UMODL1: variants seen among roughly 807,000 people sequenced by gnomAD.
UMODL1 encodes the protein uromodulin like 1.
In UMODL1, 128 loss-of-function variants were observed where a neutral mutation model predicts 136.3. The observed-to-expected ratio is 0.94, with a 90% CI of 0.81 to 1.09. The LOEUF is 1.09. Among genes scored for constraint, UMODL1 ranks in the 50% least tolerant of loss-of-function variants. The pLI, the probability that UMODL1 is intolerant of heterozygous loss-of-function variation, is 0.00. For synonymous variants in UMODL1, 721 were observed against 720.0 expected (o/e 1.00, Z -0.02); for missense variants, 1,766 against 1,725.6 (o/e 1.02, Z -0.41).
rs921580852 is a variant in UMODL1, at chr21:42,127,655, A to G, written c.3531-17A>G. On this transcript the variant is annotated splice_polypyrimidine_tract_variant and intron_variant, in intron 19 of 22. Transcript: ENST00000408910. Reference sequence around the variant, plus strand: ...GGCTCGCTGACAAGCAAGGAGTCCCATTTCCTCTCTTCTCAGCTGCCCTGT... The same window carrying G: ...GGCTCGCTGACAAGCAAGGAGTCCCGTTTCCTCTCTTCTCAGCTGCCCTGT... The G allele has an allele frequency of 6.2e-7, 1 of 1,608,316 alleles. No individual in the cohort carries two copies. Among genetic ancestry groups the G allele is most frequent in the African/African-American group, 1.3e-5 (1 of 74,614 alleles).
chr21:42,078,982 G>A (rs1268167425), intron 2 of UMODL1, among the ~76,000 whole-genome samples: 4 of 152,332 alleles, frequency 2.6e-5, no homozygotes, highest in South Asian at 2.1e-4. Flanking sequence ...GATAGCGGGG[G>A]GCCATTAGGA....
At chr21:42,140,801 G>A (rs781501532) in intron 22 of UMODL1, among the ~76,000 whole-genome samples, 4 of 152,244 alleles carry the variant, frequency 2.6e-5, no homozygotes, top group Admixed American at 6.5e-5. Context: ...AGCCACCTCC[G>A]GGGATCCCAA....
chr21:42,126,906 G>A (rs1372322713), intron 18 of UMODL1, 100 bp from the exon 19 acceptor site: 21 of 977,336 alleles, frequency 2.1e-5, no homozygotes, highest in African/African-American at 3.2e-5. Context: ...TCATTTGCAC[G>A]TTCCTCTGGA....
rs140298659 is a variant in UMODL1, at chr21:42,120,833, TC to T, written c.2690-253del. The T allele has an allele frequency of 4.0e-3, 1,594 of 395,798 alleles. 21 individuals are homozygous for T. The highest frequency in any genetic ancestry group is 0.03 in the African/African-American group (1,470 of 48,202). 24.5% of individuals were successfully genotyped at this position (395,798 alleles called of 1,614,324 possible). ...CCGGGAACTGAAGGGATGGCCCTGC[TC>T]TGCCCAGATCCCCCTCCCAGCCCTG... On this transcript the variant is annotated intron_variant, in intron 15 of 22. Transcript: ENST00000408910.
chr21:42,100,627 G>A (rs4919972), intron 7 of UMODL1, among the ~76,000 whole-genome samples: 44,615 of 151,522 alleles, frequency 0.29, 6,610 homozygotes, highest in East Asian at 0.36. Context: ...TGAGGCCTGA[G>A]AGGCAGTTCC....
rs1197124263 is a variant in UMODL1, at chr21:42,078,554, GCTGACCCCAGA to G, written c.319+2308_319+2318del. Among the ~76,000 whole-genome samples, 25 of 21,064 alleles carry G rather than the reference GCTGACCCCAGA, an allele frequency of 1.2e-3. 7 individuals carry two copies. The highest frequency in any genetic ancestry group is 0.011 in the South Asian group (7 of 662). 13.8% of individuals were successfully genotyped at this position (21,064 alleles called of 152,430 possible). ...CACCAACAGAAACCAGGCGGGGCCA[GCTGACCCCAGA>G]GCAACACCTCCATCACCAATAGAAA... is the stretch of plus-strand genomic sequence containing the variant. On this transcript the variant is annotated intron_variant, in intron 2 of 22. Coordinates refer to ENST00000408910, the MANE Select transcript of UMODL1 (RefSeq NM_001004416.3).
In UMODL1 at chr21:42,085,234, C is replaced by G; in HGVS notation, c.482-57C>G. The G allele has an allele frequency of 6.3e-7, 1 of 1,584,862 alleles. No homozygotes were observed. The highest frequency in any genetic ancestry group is 1.1e-5 in the South Asian group (1 of 87,152). On this transcript the variant is annotated intron_variant, in intron 3 of 22. Transcript: ENST00000408910. This position sits in a 1 kb window ranked among gnomAD's most constrained non-coding sequence, Gnocchi z 4.5. ...CCTGCCCCCTCTCCCACCCCAGCAG[C>G]TTTTGTGACTTCAACCTGTCCTGGG...
rs766530464 is a variant in UMODL1 at position 42,090,486 on chromosome 21, T to C, written c.931+48T>C. 3 of 1,603,932 alleles carry C rather than the reference T, an allele frequency of 1.9e-6. No individual in the cohort carries two copies. The South Asian group carries it at 3.3e-5, about 18-fold the overall frequency. On this transcript the variant is annotated intron_variant, in intron 6 of 22. Coordinates refer to ENST00000408910, the MANE Select transcript of UMODL1 (RefSeq NM_001004416.3). ...TGGCATGGGAATGGCTTAATTCCTG[T>C]TTGCCCCGGGAATACTCACCAGCAG...
intron 15 of UMODL1, chr21:42,120,419 A>C (rs2146524209): frequency 6.6e-6 from 1 of 152,378 alleles, no homozygotes; most frequent in South Asian, 2.1e-4. Flanking sequence ...TTAAAAGCCA[A>C]AGAGTTGGAA....
intron 2 of UMODL1, among the ~76,000 whole-genome samples, 156 bp from the exon 3 acceptor site, chr21:42,083,928 G>T (rs1457590116): frequency 6.6e-6 from 1 of 152,260 alleles, no homozygotes; most frequent in Admixed American, 6.5e-5. Flanking sequence ...CCCTCCAATG[G>T]GGTGGGTGTC....
At chr21:42,109,981 G>A (rs1569161371) in intron 10 of UMODL1, among the ~76,000 whole-genome samples, 1 of 152,194 alleles carries the variant, frequency 6.6e-6, no homozygotes, top group Non-Finnish European at 1.5e-5. Context: ...GTGGAGGGGT[G>A]CAGGGGTCCA....
At chr21:42,128,187 A>T (rs2067087490) in intron 20 of UMODL1, 1 of 356,428 alleles carries the variant, frequency 2.8e-6, no homozygotes, top group Non-Finnish European at 5.4e-6. Flanking sequence ...TATTATTTTT[A>T]ACAACATTGA....
chr21:42,127,297 C>G, intron 19 of UMODL1, 55 bp downstream of exon 19: 4 of 1,487,426 alleles, frequency 2.7e-6, no homozygotes, highest in Non-Finnish European at 3.7e-6. Context: ...GCTTTATTAA[C>G]AATAGGTAGG....
Position 42,080,164 on chromosome 21 carries a change from G to A in UMODL1, c.319+3917G>A, listed in dbSNP as rs183422832. On this transcript the variant is annotated intron_variant, in intron 2 of 22. Transcript: ENST00000408910. ...TTGCACAGCTCTTTTGATCAAAGCC[G>A]CCTTTTTCTGGGATGCCACACAGCA... 1.6e-3 allele frequency among the ~76,000 whole-genome samples: 248 copies of A among 152,330 alleles called. 1 individual carries two copies. The highest frequency in any genetic ancestry group is 5.6e-3 in the African/African-American group (231 of 41,582).
chr21:42,074,677 G>A (rs769560068), intron 1 of UMODL1, among the ~76,000 whole-genome samples: 7 of 152,100 alleles, frequency 4.6e-5, no homozygotes, highest in Non-Finnish European at 7.4e-5. Context: ...GTCCTGCAGC[G>A]GGGGTGACTG....
upstream of UMODL1, among the ~76,000 whole-genome samples, chr21:42,067,842 C>T (rs1032620573): frequency 4.4e-4 from 67 of 152,364 alleles, no homozygotes; most frequent in African/African-American, 1.5e-3. Flanking sequence ...CCATCCAACC[C>T]GGCAACTGCT....
In UMODL1 at chr21:42,088,496, A is replaced by G. The variant is rs1037318553; in HGVS notation, c.790+16A>G. On this transcript the variant is annotated intron_variant, in intron 5 of 22. Transcript: ENST00000408910. ...CAGGTGCAAGGTTGGGCTTCCCTCA[A>G]TCCTCCCTCTGGGGAGGCTGCAGGG... is the stretch of plus-strand genomic sequence containing the variant. 3.2e-6 allele frequency: 5 copies of G among 1,585,410 alleles called. No homozygotes were observed. Among genetic ancestry groups the G allele is most frequent in the African/African-American group, 1.3e-5 (1 of 74,484 alleles).
At position 42,110,919 on chromosome 21, in the gene UMODL1, C is replaced by T. The variant is rs572952371; in HGVS notation, c.1697C>T (p.Ala566Val). Residue 566 changes from alanine (A) to valine (V), a missense_variant, in exon 11 of 23, where the codon GCA (alanine) becomes GTA (valine). Transcript: ENST00000408910. The stretch of plus-strand genomic sequence containing the variant: ...CCCATGGGCGGTGGACTGTCTGCGG[C>T]AACAGGGGTAACGGTCCCAGGTCTT... ...VSPMGGGLSA[A>V]TGVTVPGLGT... 2.2e-5 allele frequency: 36 copies of T among 1,612,356 alleles called. No homozygotes were observed. The Middle Eastern group carries it at 5.0e-4, about 22-fold the overall frequency.
Position 42,084,177 on chromosome 21 carries a change from A to C in UMODL1, c.413A>C (p.Asp138Ala). 9 of 1,613,946 alleles carry C rather than the reference A, an allele frequency of 5.6e-6. No individual in the cohort carries two copies. The South Asian group carries it at 7.7e-5, about 14-fold the overall frequency. Residue 138 changes from aspartate to alanine, a missense_variant, in exon 3 of 23, where the codon GAC (aspartate) becomes GCC (alanine). By Grantham distance (126) the Asp-to-Ala change is moderately radical. Coordinates refer to ENST00000408910, the MANE Select transcript of UMODL1 (RefSeq NM_001004416.3). The stretch of plus-strand genomic sequence containing the variant: ...ACCTCCCCCTGCAGCTTGGACATCG[A>C]CTGTCCTGGACTTGAGAAGTGCTGC... ...PSTSPCSLDI[D>A]CPGLEKCCPW...
Sources: allele counts gnomAD v4.1 joint callset (sites outside exome capture counted in the v4.1 genomes callset), GRCh38; gene constraint gnomAD v4.1.1; non-coding constraint Gnocchi (gnomAD v3.1); transcripts MANE v1.5; gene names NCBI Gene and HGNC (gene_info 2026-07-23, HGNC 2026-07-21).